LIPC: variants seen among roughly 807,000 people sequenced by gnomAD.
LIPC encodes lipase C, hepatic type, also known as hepatic triacylglycerol lipase.
LIPC carries 44 observed loss-of-function variants against 50.7 expected under a neutral mutation model. The ratio of observed to expected loss-of-function variants is 0.87; its 90% CI spans 0.68 to 1.11. LIPC has a LOEUF of 1.11. Ranked by LOEUF, LIPC falls within the 50% of genes most tolerant of loss-of-function variation. LIPC has a pLI of 0.00. For synonymous variants in LIPC, 271 were observed against 256.4 expected, an observed-to-expected ratio of 1.06 and a Z score of -0.54; for missense variants, 697 against 648.2, an observed-to-expected ratio of 1.08 and a Z score of -0.82.
intron 5 of LIPC, among the ~76,000 whole-genome samples, chr15:58,546,667 A>C (rs1249743128): frequency 6.6e-6 from 1 of 152,096 alleles, no homozygotes; most frequent in Non-Finnish European, 1.5e-5. Flanking sequence ...GGGCATTCCA[A>C]ATTTCTTGCT....
At chr15:58,443,424 C>T (rs559461711) in intron 1 of LIPC, among the ~76,000 whole-genome samples, 62 of 152,252 alleles carry the variant, frequency 4.1e-4, no homozygotes, top group Admixed American at 2.0e-3. Context: ...AAAGTCAAGC[C>T]CAGAAACACA....
chr15:58,471,284 T>G (rs1894787835), intron 1 of LIPC, among the ~76,000 whole-genome samples: 1 of 138,524 alleles, frequency 7.2e-6, no homozygotes, highest in Non-Finnish European at 1.6e-5. Flanking sequence ...TTACAGGCAC[T>G]CGCCACCATG....
At chr15:58,521,446 A>C (rs2140875966) in intron 1 of LIPC, 1 of 152,382 alleles carries the variant, frequency 6.6e-6, no homozygotes, top group East Asian at 1.9e-4. Flanking sequence ...ATACATTCTA[A>C]TTCCTCCAAG....
At chr15:58,439,202 T>C (rs1388966346) in intron 1 of LIPC, among the ~76,000 whole-genome samples, 2 of 152,198 alleles carry the variant, frequency 1.3e-5, no homozygotes, top group Non-Finnish European at 2.9e-5. Context: ...AATACATGTG[T>C]TTGAGAAAAA....
At chr15:58,486,437 C>A (rs1281479093) in intron 1 of LIPC, among the ~76,000 whole-genome samples, 3 of 152,194 alleles carry the variant, frequency 2.0e-5, no homozygotes, top group Admixed American at 6.5e-5. Flanking sequence ...AGCAAGTATC[C>A]AAGCTGTCTT....
At chr15:58,470,920 GCCT>G (rs1330907608) in intron 1 of LIPC, among the ~76,000 whole-genome samples, 2 of 152,084 alleles carry the variant, frequency 1.3e-5, no homozygotes, top group Admixed American at 6.5e-5. Flanking sequence ...CCTTTTGTCT[GCCT>G]CCTTTTCATC....
chr15:58,452,788 T>C (rs568845064), intron 1 of LIPC, among the ~76,000 whole-genome samples: 260 of 152,332 alleles, frequency 1.7e-3, no homozygotes, highest in African/African-American at 6.1e-3. Flanking sequence ...CCCTCATTTT[T>C]CAGAGCCCAA....
chr15:58,442,870 G>A (rs1288880607), intron 1 of LIPC, among the ~76,000 whole-genome samples: 1 of 152,162 alleles, frequency 6.6e-6, no homozygotes, highest in African/African-American at 2.4e-5. Flanking sequence ...CCCTCTCAGA[G>A]CCCACATGGG....
chr15:58,496,289 T>C (rs1477195479), intron 1 of LIPC, among the ~76,000 whole-genome samples: 1 of 152,196 alleles, frequency 6.6e-6, no homozygotes, highest in Non-Finnish European at 1.5e-5. Flanking sequence ...AGTAGAATCA[T>C]GTGGCCCAAA....
At chr15:58,509,067 T>C (rs1892251944) in intron 1 of LIPC, among the ~76,000 whole-genome samples, 1 of 152,084 alleles carries the variant, frequency 6.6e-6, no homozygotes. Flanking sequence ...TAAAGCAAAA[T>C]GAAGAGGATA....
intron 1 of LIPC, among the ~76,000 whole-genome samples, chr15:58,461,522 C>T (rs1207965199): frequency 6.6e-6 from 1 of 152,248 alleles, no homozygotes; most frequent in East Asian, 1.9e-4. Flanking sequence ...GATTCTCCTG[C>T]CTCAGCCTCC....
At chr15:58,493,666 T>C (rs1595894745) in intron 1 of LIPC, among the ~76,000 whole-genome samples, 3 of 147,570 alleles carry the variant, frequency 2.0e-5, no homozygotes, top group East Asian at 2.0e-4. Context: ...ATAAAATTTA[T>C]ACAAAATTTA....
In LIPC at chr15:58,538,519, T is replaced by C. The variant is rs1395750219; in HGVS notation, c.273+2T>C. 1.9e-6 allele frequency: 3 copies of C among 1,613,806 alleles called. No homozygotes were observed. The highest frequency in any genetic ancestry group is 2.7e-5 in the African/African-American group (2 of 74,906). On this transcript the variant is annotated splice_donor_variant, in intron 2 of 8. Transcript: ENST00000299022. LOFTEE classifies it high-confidence loss of function. ...GTGATGATAATCCACGGGTGGTCGG[T>C]AGGAAATGCTGACATGCCGTTTTTC...
intron 1 of LIPC, among the ~76,000 whole-genome samples, chr15:58,471,336 G>GGGGGGGGC (rs35752762): frequency 1.3e-4 from 17 of 135,056 alleles, no homozygotes; most frequent in African/African-American, 4.5e-4. Flanking sequence ...GATGGGGGGG[G>GGGGGGGGC]GTGGTCTCAC....
intron 7 of LIPC, among the ~76,000 whole-genome samples, chr15:58,563,237 A>C (rs1277695381): frequency 2.0e-5 from 3 of 152,148 alleles, no homozygotes; most frequent in Non-Finnish European, 4.4e-5. Flanking sequence ...AAAGTTAACT[A>C]GATTTGTTAT....
At chr15:58,474,108 C>A (rs1408184734) in intron 1 of LIPC, among the ~76,000 whole-genome samples, 1 of 152,206 alleles carries the variant, frequency 6.6e-6, no homozygotes, top group Non-Finnish European at 1.5e-5. Flanking sequence ...CATCAAGCAA[C>A]CAACCCTCCT....
chr15:58,504,770 C>G (rs116709327), intron 1 of LIPC, among the ~76,000 whole-genome samples: 2 of 152,224 alleles, frequency 1.3e-5, no homozygotes, highest in African/African-American at 4.8e-5. Context: ...CTTCACCAGA[C>G]AGCAGCACAC....
At chr15:58,553,280 G>A (rs989056467) in intron 6 of LIPC, among the ~76,000 whole-genome samples, 16 of 152,262 alleles carry the variant, frequency 1.1e-4, no homozygotes, top group Admixed American at 9.8e-4. Context: ...CCGCTCGCAG[G>A]CAGCAACAGA....
At chr15:58,560,333 A>G (rs1894116211) in intron 6 of LIPC, among the ~76,000 whole-genome samples, 2 of 152,242 alleles carry the variant, frequency 1.3e-5, no homozygotes, top group Non-Finnish European at 2.9e-5. Context: ...TGAAACTCAC[A>G]GAGCTTGTTT....
Sources: gnomAD v4.1 joint callset for allele counts (sites outside exome capture counted in the v4.1 genomes callset) on GRCh38, gnomAD v4.1.1 for gene constraint, MANE v1.5 for transcripts, NCBI Gene and HGNC (gene_info 2026-07-23, HGNC 2026-07-21) for gene names.